DNAH10: variants seen among roughly 807,000 people sequenced by gnomAD.
The protein encoded by DNAH10 is dynein axonemal heavy chain 10, also known as axonemal beta dynein heavy chain 10.
Under a neutral mutation model 506.6 loss-of-function variants are expected in DNAH10, and 348 were observed. The ratio of observed to expected loss-of-function variants is 0.69; its 90% CI spans 0.63 to 0.75. The LOEUF is 0.75. Ranked by LOEUF, DNAH10 falls within the 30% of genes least tolerant of loss-of-function variation. DNAH10 has a pLI of 0.00. For missense variants in DNAH10, 5,179 were observed against 5,787.1 expected (o/e 0.89, Z 3.41); for synonymous variants, 2,059 against 2,198.6 (o/e 0.94, Z 1.78).
In DNAH10 at chr12:123,796,687, A is replaced by G; in HGVS notation, c.2018A>G (p.Asn673Ser). The G allele has an allele frequency of 6.2e-7, 1 of 1,612,064 alleles. No homozygotes were observed. Among genetic ancestry groups the G allele is most frequent in the Middle Eastern group, 1.7e-4 (1 of 6,056 alleles). Residue 673 changes from asparagine (N) to serine (S), a missense_variant, in exon 13 of 79, where the codon AAC becomes AGC. Asn to Ser is a conservative substitution (Grantham distance 46). Transcript: ENST00000673944. ...IDIINKIFVQ[N>S]LENPPLYKNH... is the part of the protein sequence containing the mutation. Reference sequence around the variant, plus strand: ...ATCATTAATAAAATCTTTGTCCAGAACCTTGAAAATCCACCACTGTATAAG... The same window carrying G: ...ATCATTAATAAAATCTTTGTCCAGAGCCTTGAAAATCCACCACTGTATAAG...
rs185696852 is a variant in DNAH10, at chr12:123,912,654, G to A, written c.10135-444G>A. 2.6e-3 allele frequency among the ~76,000 whole-genome samples: 395 copies of A among 152,290 alleles called. 1 individual carries two copies. The highest frequency in any genetic ancestry group is 3.5e-3 in the South Asian group (17 of 4,822). On this transcript the variant is annotated intron_variant, in intron 59 of 78. Transcript: ENST00000673944. The stretch of plus-strand genomic sequence containing the variant: ...AAAACCTACCGCAGTTGAGAGCAGC[G>A]GGGCCAAAGTCACATGAAGATCACA...
intron 46 of DNAH10, among the ~76,000 whole-genome samples, chr12:123,874,040 C>T (rs1007466915): frequency 2.6e-5 from 4 of 151,934 alleles, no homozygotes; most frequent in Non-Finnish European, 1.5e-5. Context: ...TGTTGTTGGC[C>T]CCGTGTACAT....
At chr12:123,910,933 G>T (rs1053262887) in intron 59 of DNAH10, among the ~76,000 whole-genome samples, 2 of 152,040 alleles carry the variant, frequency 1.3e-5, no homozygotes, top group African/African-American at 4.8e-5. Flanking sequence ...CAGACCAGGC[G>T]TGGTAGCTCA....
chr12:123,905,984 C>G (rs1953756439), intron 57 of DNAH10, among the ~76,000 whole-genome samples: 1 of 151,752 alleles, frequency 6.6e-6, no homozygotes, highest in South Asian at 2.1e-4. Context: ...GTGGCACGAT[C>G]TCGGCTCACT....
At chr12:123,783,405 A>G (rs1957736381) in intron 7 of DNAH10, 141 bp downstream of exon 7, 2 of 955,512 alleles carry the variant, frequency 2.1e-6, no homozygotes, top group Admixed American at 2.8e-5. Context: ...AAATAAACAC[A>G]CCCAAAATAT....
At chr12:123,923,032 T>A (rs1401458336) in intron 65 of DNAH10, 1 of 152,224 alleles carries the variant, frequency 6.6e-6, no homozygotes, top group Non-Finnish European at 1.5e-5. Flanking sequence ...AAAGTAGAAT[T>A]CAAATTACAA....
chr12:123,762,607 C>T lies in DNAH10; in HGVS notation c.214+57C>T. ...GCTTCCCTCCTGCCCGTCCCGGCCT[C>T]TCCGGCGGGCGCCGGGGCTGCTAGA... On this transcript the variant is annotated intron_variant, in intron 1 of 78. Transcript: ENST00000673944. The surrounding 1 kb of genome is among the most constrained non-coding windows in gnomAD (Gnocchi z 5.0). 2 of 1,492,824 alleles carry T rather than the reference C, an allele frequency of 1.3e-6. No homozygotes were observed. Among genetic ancestry groups the T allele is most frequent in the Non-Finnish European group, 1.8e-6 (2 of 1,118,514 alleles). The allele number at this position is 1,492,824 out of a possible 1,614,324, so 92.5% of individuals were successfully genotyped here.
chr12:123,934,165 G>A (rs1250605006), intron 77 of DNAH10: 1 of 692,064 alleles, frequency 1.4e-6, no homozygotes, highest in Non-Finnish European at 2.6e-6. Flanking sequence ...TCCTCTCTTT[G>A]CACATCTGCT....
chr12:123,839,660 C>CTTTT (rs1341595657), intron 29 of DNAH10, among the ~76,000 whole-genome samples: 1 of 113,582 alleles, frequency 8.8e-6, no homozygotes, highest in African/African-American at 3.5e-5. Flanking sequence ...ATTTTCTTTT[C>CTTTT]TATTTTTTTT....
chr12:123,762,649 G>C lies in DNAH10; in HGVS notation c.214+99G>C. ...GCTGCTAGAGCCTGCCCATCGTCCG[G>C]CCCCGGCCTCAGGTGCTGTCCACAA... On this transcript the variant is annotated intron_variant, in intron 1 of 78. Coordinates refer to ENST00000673944, the MANE Select transcript of DNAH10 (RefSeq NM_001372106.1). This position sits in a 1 kb window ranked among gnomAD's most constrained non-coding sequence, Gnocchi z 5.0. 1.5e-6 allele frequency: 2 copies of C among 1,317,338 alleles called. No homozygotes were observed. The highest frequency in any genetic ancestry group is 2.8e-5 in the East Asian group (1 of 35,116). 81.6% of individuals were successfully genotyped at this position (1,317,338 alleles called of 1,614,324 possible).
chr12:123,768,126 C>T (rs1309360572), intron 2 of DNAH10, among the ~76,000 whole-genome samples: 1 of 143,356 alleles, frequency 7.0e-6, no homozygotes, highest in Non-Finnish European at 1.6e-5. Flanking sequence ...CTCTCCTCCT[C>T]CTCCTCCTCC....
intron 13 of DNAH10, among the ~76,000 whole-genome samples, chr12:123,798,007 C>A (rs1405126615): frequency 1.3e-5 from 2 of 152,198 alleles, no homozygotes; most frequent in Non-Finnish European, 2.9e-5. Flanking sequence ...TCCAATAAAA[C>A]TTTATTTATG....
chr12:123,838,469 C>T lies in DNAH10; in HGVS notation c.4916C>T (p.Thr1639Ile). ...GTTCTGGTCCAGATCATGGGTGAGA[C>T]CTTAAAAGACCCCGTGATCAAGAGG... Reference protein sequence around the residue: ...DKVFKRIMGETLKDPVIKRCC... With the variant: ...DKVFKRIMGEILKDPVIKRCC... The change falls in exon 29 of 79, where the codon ACC becomes ATC. Residue 1639 changes from threonine (T) to isoleucine (I), a missense_variant. This residue lies in a region of DNAH10 where 4,844 missense variants were observed against 5,430.5 expected (regional missense o/e 0.89). Coordinates refer to ENST00000673944, the MANE Select transcript of DNAH10 (RefSeq NM_001372106.1). 6.2e-7 allele frequency: 1 copy of T among 1,613,564 alleles called. No individual in the cohort carries two copies. The highest frequency in any genetic ancestry group is 1.7e-4 in the Middle Eastern group (1 of 6,060).
chr12:123,862,410 GA>G (rs1951647871), intron 39 of DNAH10, among the ~76,000 whole-genome samples: 1 of 146,928 alleles, frequency 6.8e-6, no homozygotes, highest in African/African-American at 2.5e-5. Context: ...CTTTTTTTTT[GA>G]GAGGGGTCGT....
rs1405863897 is a variant in DNAH10 at position 123,913,885 on chromosome 12, T to C, written c.10353-444T>C. On this transcript the variant is annotated intron_variant, in intron 60 of 78. Coordinates refer to ENST00000673944, the MANE Select transcript of DNAH10 (RefSeq NM_001372106.1). This position sits in a 1 kb window ranked among gnomAD's most constrained non-coding sequence, Gnocchi z 5.1. ...GCGTGTGGGAAACAATTTTCAGTAT[T>C]TCTTAAACCTAAGTCTTGGGGCATT... Among the ~76,000 whole-genome samples, 2 of 152,256 alleles carry C rather than the reference T, an allele frequency of 1.3e-5. No homozygotes were observed. The highest frequency in any genetic ancestry group is 1.3e-4 in the Admixed American group (2 of 15,282).
chr12:123,770,345 C>G (rs553930853), intron 2 of DNAH10, among the ~76,000 whole-genome samples: 5 of 151,862 alleles, frequency 3.3e-5, no homozygotes, highest in Admixed American at 6.6e-5. Context: ...ATCTTCCACC[C>G]TGTAGCTGGG....
chr12:123,818,347 A>G (rs972272828), intron 21 of DNAH10, among the ~76,000 whole-genome samples: 3 of 152,110 alleles, frequency 2.0e-5, no homozygotes, highest in Admixed American at 6.5e-5. Context: ...TTTTTGAGAT[A>G]GAATCTTGCT....
chr12:123,861,023 C>G lies in DNAH10; in HGVS notation c.6761C>G (p.Thr2254Arg). The G allele has an allele frequency of 6.2e-7, 1 of 1,613,884 alleles. No homozygotes were observed. The highest frequency in any genetic ancestry group is 8.5e-7 in the Non-Finnish European group (1 of 1,179,876). ...LCQAQTKLGL[T>R]TKLYILNPKA... Reference sequence around the variant, plus strand: ...CTCTCTTGATTTAGGCTTGGGCTGACGACAAAGTTGTACATCCTGAACCCC... The same window carrying G: ...CTCTCTTGATTTAGGCTTGGGCTGAGGACAAAGTTGTACATCCTGAACCCC... Residue 2254 changes from threonine (T) to arginine (R), a missense_variant, in exon 39 of 79, where the codon ACG becomes AGG. Thr to Arg is a moderately conservative substitution (Grantham distance 71, BLOSUM62 -1). Transcript: ENST00000673944.
chr12:123,788,147 T>C, intron 10 of DNAH10, 145 bp downstream of exon 10: 1 of 943,532 alleles, frequency 1.1e-6, no homozygotes, highest in Non-Finnish European at 1.6e-6. Flanking sequence ...CTACGGAATA[T>C]ACTAGAATGT....
Sources: gnomAD v4.1 joint callset for allele counts (sites outside exome capture counted in the v4.1 genomes callset) on GRCh38, gnomAD v4.1.1 for gene constraint, gnomAD v4.1.1 regional missense constraint, Gnocchi (gnomAD v3.1) non-coding constraint, MANE v1.5 for transcripts, NCBI Gene and HGNC (gene_info 2026-07-23, HGNC 2026-07-21) for gene names.